Variants in XPO4 observed in about 807,000 individuals in gnomAD.
XPO4 encodes the protein exportin-4.
A neutral mutation model predicts 143.0 loss-of-function variants in XPO4; 39 were observed. That is an observed-to-expected ratio of 0.27 (90% CI 0.21 to 0.36). XPO4 has a LOEUF of 0.36. Ranked by LOEUF, XPO4 falls within the 10% of genes least tolerant of loss-of-function variation. The probability of loss-of-function intolerance (pLI) is 1.00; values close to 1 mark genes in which losing one functional copy is unlikely to be tolerated. For missense variants in XPO4, 907 were observed against 1,348.0 expected, an observed-to-expected ratio of 0.67 and a Z score of 5.12; for synonymous variants, 439 against 474.0, an observed-to-expected ratio of 0.93 and a Z score of 0.96.
At chr13:20,859,958 C>T in intron 3 of XPO4, 3 of 509,730 alleles carry the variant, frequency 5.9e-6, no homozygotes, top group Non-Finnish European at 7.6e-6. Flanking sequence ...GGAGAAAAGG[C>T]TATGACAACT....
intron 1 of XPO4, among the ~76,000 whole-genome samples, chr13:20,873,575 T>C (rs73437472): frequency 0.038 from 5,793 of 152,280 alleles, 378 homozygotes; most frequent in African/African-American, 0.13. Flanking sequence ...TCTATCGTGT[T>C]ACTAATCCTT....
At chr13:20,794,955 T>C (rs1324681911) in intron 18 of XPO4, among the ~76,000 whole-genome samples, 2 of 150,662 alleles carry the variant, frequency 1.3e-5, no homozygotes, top group Non-Finnish European at 3.0e-5. Flanking sequence ...CACTGTGAAG[T>C]TGATGGTACC....
chr13:20,886,660 A>G (rs950526463), intron 1 of XPO4, among the ~76,000 whole-genome samples: 1 of 152,168 alleles, frequency 6.6e-6, no homozygotes, highest in Non-Finnish European at 1.5e-5. Flanking sequence ...AAAAAAGCCA[A>G]AAGTTCTTTA....
At position 20,790,565 on chromosome 13, in the gene XPO4, C is replaced by T; in HGVS notation, c.2813G>A (p.Gly938Glu). The change falls in exon 19 of 23, where the codon GGA becomes GAA. Residue 938 changes from glycine (G) to glutamate (E), a missense_variant. Coordinates refer to ENST00000255305, the MANE Select transcript of XPO4 (RefSeq NM_022459.5). ...DFSDTDEVFR[G>E]HEPGQAANRS... ...GTTTGCTGCTTGACCTGGCTCATGT[C>T]CTCTAAACACTTCATCTATTAAAAT... The T allele has an allele frequency of 6.2e-7, 1 of 1,613,910 alleles. No homozygotes were observed. Among genetic ancestry groups the T allele is most frequent in the Non-Finnish European group, 8.5e-7 (1 of 1,179,876 alleles).
intron 4 of XPO4, chr13:20,851,120 G>A (rs2138086275): frequency 2.0e-6 from 2 of 985,286 alleles, no homozygotes; most frequent in African/African-American, 3.5e-5. Context: ...AAAACATTAA[G>A]TAAATTCTTG....
chr13:20,898,008 C>T (rs1947466241), intron 1 of XPO4, among the ~76,000 whole-genome samples: 2 of 152,178 alleles, frequency 1.3e-5, no homozygotes, highest in Admixed American at 1.3e-4. Context: ...CTACTTTGGC[C>T]TCCCAAAGTG....
intron 1 of XPO4, among the ~76,000 whole-genome samples, chr13:20,890,654 T>C (rs576529286): frequency 6.6e-6 from 1 of 151,138 alleles, no homozygotes; most frequent in East Asian, 2.0e-4. Flanking sequence ...AAAAATTAGC[T>C]GGGTATGGTT....
At chr13:20,861,575 C>A (rs1382146362) in intron 3 of XPO4, among the ~76,000 whole-genome samples, 1 of 151,894 alleles carries the variant, frequency 6.6e-6, no homozygotes, top group Admixed American at 6.6e-5. Context: ...GAATTATAGG[C>A]ATGAGCCACC....
intron 1 of XPO4, among the ~76,000 whole-genome samples, chr13:20,888,972 G>C (rs1328895964): frequency 1.3e-5 from 2 of 151,974 alleles, no homozygotes; most frequent in Non-Finnish European, 2.9e-5. Flanking sequence ...CCAGTTCCCA[G>C]TTAATTTTTT....
intron 1 of XPO4, among the ~76,000 whole-genome samples, chr13:20,875,478 C>G (rs982225617): frequency 3.9e-5 from 6 of 152,078 alleles, no homozygotes; most frequent in Admixed American, 1.3e-4. Flanking sequence ...ACATATCTTC[C>G]GTTTTAAAGT....
intron 21 of XPO4, 87 bp downstream of exon 21, chr13:20,787,394 C>T: frequency 8.0e-7 from 1 of 1,255,970 alleles, no homozygotes; most frequent in Non-Finnish European, 1.2e-6. Context: ...AGAATGGAAG[C>T]ATTTCCTCAT....
chr13:20,793,786 A>C (rs963886630), intron 18 of XPO4, among the ~76,000 whole-genome samples: 4 of 152,028 alleles, frequency 2.6e-5, no homozygotes, highest in Non-Finnish European at 5.9e-5. Context: ...ACCAAAGAAG[A>C]CTCCCAGGTG....
At chr13:20,830,270 C>G (rs2059836683) in intron 6 of XPO4, among the ~76,000 whole-genome samples, 2 of 152,140 alleles carry the variant, frequency 1.3e-5, no homozygotes, top group African/African-American at 2.4e-5. Context: ...TAATATCTAT[C>G]AGAAAATACC....
chr13:20,812,168 C>T (rs1054870266), intron 9 of XPO4, among the ~76,000 whole-genome samples: 3 of 151,976 alleles, frequency 2.0e-5, no homozygotes, highest in Non-Finnish European at 4.4e-5. Flanking sequence ...GTCAGGGGTT[C>T]AAGACCAGCC....
At chr13:20,872,815 A>C (rs926146636) in intron 1 of XPO4, among the ~76,000 whole-genome samples, 2 of 152,184 alleles carry the variant, frequency 1.3e-5, no homozygotes, top group Admixed American at 6.5e-5. Context: ...AATTTATGTA[A>C]GACTCATCAT....
chr13:20,856,837 A>C (rs1408274800), intron 3 of XPO4: 1 of 985,070 alleles, frequency 1.0e-6, no homozygotes, highest in Admixed American at 6.2e-5. Flanking sequence ...CCCTCTCCCA[A>C]GATTATGACG....
At chr13:20,798,996 G>A (rs1924599) in intron 16 of XPO4, among the ~76,000 whole-genome samples, 169 bp downstream of exon 16, 3 of 150,218 alleles carry the variant, frequency 2.0e-5, no homozygotes, top group Admixed American at 6.6e-5. Flanking sequence ...ACTCCAGCCT[G>A]GGCAACAGAG....
chr13:20,886,932 G>C (rs1167974013), intron 1 of XPO4, among the ~76,000 whole-genome samples: 1 of 151,996 alleles, frequency 6.6e-6, no homozygotes, highest in African/African-American at 2.4e-5. Flanking sequence ...AATTAGCCAG[G>C]TGTGGTGGTG....
chr13:20,788,703 G>A, intron 19 of XPO4, 87 bp from the exon 20 acceptor site: 2 of 1,241,468 alleles, frequency 1.6e-6, no homozygotes, highest in East Asian at 5.3e-5. Flanking sequence ...TAACTGACAA[G>A]CTTCTAAATA....
Sources: gnomAD v4.1 joint callset for allele counts (sites outside exome capture counted in the v4.1 genomes callset) on GRCh38, gnomAD v4.1.1 for gene constraint, MANE v1.5 for transcripts, NCBI Gene and HGNC (gene_info 2026-07-23, HGNC 2026-07-21) for gene names.